The following CELSR3 variants were observed in gnomAD, a reference collection of about 807,000 sequenced individuals.
CELSR3 encodes the protein cadherin EGF LAG seven-pass G-type receptor 3.
In CELSR3, 73 loss-of-function variants were observed where a neutral mutation model predicts 270.0. The observed-to-expected ratio is 0.27, with a 90% CI of 0.22 to 0.33. The LOEUF is 0.33. Among genes scored for constraint, CELSR3 ranks in the 10% least tolerant of loss-of-function variants. The probability of loss-of-function intolerance (pLI) is 1.00; values close to 1 mark genes in which losing one functional copy is unlikely to be tolerated. For synonymous variants in CELSR3, 1,780 were observed against 1,905.4 expected, an observed-to-expected ratio of 0.93 and a Z score of 1.71; for missense variants, 3,614 against 4,533.8, an observed-to-expected ratio of 0.80 and a Z score of 5.83.
In CELSR3 at chr3:48,650,842, G is replaced by T; in HGVS notation, c.6370+50C>A. 1.3e-6 allele frequency: 2 copies of T among 1,570,794 alleles called. No individual in the cohort carries two copies. The highest frequency in any genetic ancestry group is 8.6e-7 in the Non-Finnish European group (1 of 1,156,590). On this transcript the variant is annotated intron_variant, in intron 15 of 34. Transcript: ENST00000164024. This position sits in a 1 kb window ranked among gnomAD's most constrained non-coding sequence, Gnocchi z 5.1. ...TGTGTGCCACTGACACGTGATGGTG[G>T]CACACTGGAACCAGCCCTCTATGGG...
At position 48,654,114 on chromosome 3, in the gene CELSR3, T is replaced by C; in HGVS notation, c.5153-111A>G. 3.3e-6 allele frequency: 5 copies of C among 1,518,848 alleles called. No homozygotes were observed. In the South Asian group the frequency reaches 6.2e-5, roughly 19 times the overall value. The allele number at this position is 1,518,848 out of a possible 1,614,324, so 94.1% of individuals were successfully genotyped here. The stretch of plus-strand genomic sequence containing the variant: ...GAAAGAGACCAAGATCTCAGCCCCA[T>C]TTCCCATTTTCTTTCGATGAGTGGG... On this transcript the variant is annotated intron_variant, in intron 7 of 34. Transcript: ENST00000164024. The surrounding 1 kb of genome is among the most constrained non-coding windows in gnomAD (Gnocchi z 5.4).
In CELSR3 at chr3:48,658,768, A is replaced by G. The variant is rs2077043766; in HGVS notation, c.3748+119T>C. On this transcript the variant is annotated intron_variant, in intron 1 of 34. Transcript: ENST00000164024. The surrounding 1 kb of genome is among the most constrained non-coding windows in gnomAD (Gnocchi z 4.7). The stretch of plus-strand genomic sequence containing the variant: ...AGATCTTGTAGGGTGCAGGAACCCT[A>G]CCCTTAAGGGGTTCTTGGAAGGCTT... 2 of 1,249,820 alleles carry G rather than the reference A, an allele frequency of 1.6e-6. No homozygotes were observed. Among genetic ancestry groups the G allele is most frequent in the Non-Finnish European group, 2.2e-6 (2 of 896,410 alleles). 77.4% of individuals were successfully genotyped at this position (1,249,820 alleles called of 1,614,324 possible).
At position 48,660,038 on chromosome 3, in the gene CELSR3, C is replaced by T. The variant is rs2077054749; in HGVS notation, c.2597G>A (p.Ser866Asn). Residue 866 changes from serine (S) to asparagine (N), a missense_variant, in exon 1 of 35, where the codon AGT becomes AAT. Ser to Asn is a conservative substitution (Grantham distance 46). Coordinates refer to ENST00000164024, the MANE Select transcript of CELSR3 (RefSeq NM_001407.3). This position sits in a 1 kb window ranked among gnomAD's most constrained non-coding sequence, Gnocchi z 5.5. ...ACCCATTGGCCGATCTTCATTCACA[C>T]TCACTGAGTAGTGGGCACTTTGAAA... is the stretch of plus-strand genomic sequence containing the variant. ...PVFQSAHYSV[S>N]VNEDRPMGST... is the part of the protein sequence containing the mutation. 1 of 1,614,220 alleles carries T rather than the reference C, an allele frequency of 6.2e-7. No individual in the cohort carries two copies. Among genetic ancestry groups the T allele is most frequent in the Non-Finnish European group, 8.5e-7 (1 of 1,180,044 alleles).
Position 48,655,856 on chromosome 3 carries a change from G to T in CELSR3, c.4626-5C>A. On this transcript the variant is annotated splice_region_variant and splice_polypyrimidine_tract_variant and intron_variant, in intron 3 of 34. Transcript: ENST00000164024. This position sits in a 1 kb window ranked among gnomAD's most constrained non-coding sequence, Gnocchi z 5.8. ...CTCTGCTGCACTGTCGCGAACCTGG[G>T]CGGGGTGGGAGGGGGTTGCGGGGGT... 6.4e-7 allele frequency: 1 copy of T among 1,556,846 alleles called. No homozygotes were observed. Among genetic ancestry groups the T allele is most frequent in the Non-Finnish European group, 8.8e-7 (1 of 1,130,484 alleles).
In CELSR3 at chr3:48,644,867, C is replaced by T. The variant is rs2047064787; in HGVS notation, c.7973-39G>A. The T allele has an allele frequency of 6.3e-7, 1 of 1,583,688 alleles. No individual in the cohort carries two copies. The highest frequency in any genetic ancestry group is 1.1e-5 in the South Asian group (1 of 89,864). On this transcript the variant is annotated intron_variant, in intron 25 of 34. Transcript: ENST00000164024. The surrounding 1 kb of genome is among the most constrained non-coding windows in gnomAD (Gnocchi z 4.8). ...AGGGTAGGACTGAGGGTGTGTGTTC[C>T]AGAGCTGCTGACCAGCCCATGTATG...
rs1199779992 is a variant in CELSR3, at chr3:48,650,525, T to G, written c.6427A>C (p.Lys2143Gln). The G allele has an allele frequency of 6.6e-7, 1 of 1,525,684 alleles. No homozygotes were observed. Among genetic ancestry groups the G allele is most frequent in the Non-Finnish European group, 8.9e-7 (1 of 1,129,580 alleles). 94.5% of individuals were successfully genotyped at this position (1,525,684 alleles called of 1,614,324 possible). ...GGCACTGTGGCCAGGACGCCAAACT[T>G]TGTCTGGGGCCACCACACACCAGAT... ...LRSGVWWPQTKFGVLATVPCP... is the reference protein window; with the variant it reads ...LRSGVWWPQTQFGVLATVPCP... The change falls in exon 16 of 35, where the codon AAG becomes CAG. Residue 2143 changes from lysine (K) to glutamine (Q), a missense_variant. This residue lies in a region of CELSR3 where 1,331 missense variants were observed against 1,933.7 expected (regional missense o/e 0.69). Coordinates refer to ENST00000164024, the MANE Select transcript of CELSR3 (RefSeq NM_001407.3). This position sits in a 1 kb window ranked among gnomAD's most constrained non-coding sequence, Gnocchi z 5.1.
chr3:48,651,520 C>T lies in CELSR3; in HGVS notation c.6066-41G>A. On this transcript the variant is annotated intron_variant, in intron 13 of 34. Transcript: ENST00000164024. The surrounding 1 kb of genome is among the most constrained non-coding windows in gnomAD (Gnocchi z 7.4). ...CAGGTAAGATGCCTCCACGGTATCC[C>T]AGTGACCCTCCCTGTCCCTGCCAGG... 1 of 1,608,582 alleles carries T rather than the reference C, an allele frequency of 6.2e-7. No individual in the cohort carries two copies. Among genetic ancestry groups the T allele is most frequent in the Non-Finnish European group, 8.5e-7 (1 of 1,176,380 alleles).
Position 48,653,683 on chromosome 3 carries a change from G to A in CELSR3, c.5384C>T (p.Thr1795Ile). The A allele has an allele frequency of 1.2e-6, 2 of 1,614,188 alleles. No homozygotes were observed. The highest frequency in any genetic ancestry group is 1.7e-6 in the Non-Finnish European group (2 of 1,180,040). The stretch of plus-strand genomic sequence containing the variant: ...CATCAGGACCCCCTGCGTTGCCCGT[G>A]TCCGAAATGCCAGCCCCAGGTACCA... ...VPWYLGLAFR[T>I]RATQGVLMQV... The change falls in exon 9 of 35, where the codon ACA becomes ATA. Residue 1795 changes from threonine to isoleucine, a missense_variant. Coordinates refer to ENST00000164024, the MANE Select transcript of CELSR3 (RefSeq NM_001407.3). This position sits in a 1 kb window ranked among gnomAD's most constrained non-coding sequence, Gnocchi z 6.5.
At position 48,646,911 on chromosome 3, in the gene CELSR3, T is replaced by G. The variant is rs1245817785; in HGVS notation, c.7147A>C (p.Ser2383Arg). The G allele has an allele frequency of 6.4e-7, 1 of 1,550,848 alleles. No individual in the cohort carries two copies. Among genetic ancestry groups the G allele is most frequent in the Admixed American group, 2.2e-5 (1 of 45,190 alleles). Reference sequence around the variant, plus strand: ...CTTGAGGTGGTGGAGTTTTCTATGCTGCTGCTTGTGGGCAGAACTGCCAGG... The same window carrying G: ...CTTGAGGTGGTGGAGTTTTCTATGCGGCTGCTTGTGGGCAGAACTGCCAGG... The part of the protein sequence containing the change: ...SPSEVLPTSS[S>R]IENSTTSSVV... The change falls in exon 21 of 35, where the codon AGC (serine) becomes CGC (arginine). Residue 2383 changes from serine to arginine, a missense_variant. Physicochemically the swap from Ser to Arg is moderately radical, Grantham distance 110. Transcript: ENST00000164024. This position sits in a 1 kb window ranked among gnomAD's most constrained non-coding sequence, Gnocchi z 4.8.
In CELSR3 at chr3:48,662,049, G is replaced by C; in HGVS notation, c.586C>G (p.Arg196Gly). The C allele has an allele frequency of 1.2e-6, 2 of 1,614,110 alleles. No homozygotes were observed. Among genetic ancestry groups the C allele is most frequent in the Non-Finnish European group, 1.7e-6 (2 of 1,180,036 alleles). Residue 196 changes from arginine (R) to glycine (G), a missense_variant, in exon 1 of 35, where the codon CGC becomes GGC. Physicochemically the swap from Arg to Gly is moderately radical, Grantham distance 125. This residue lies in a region of CELSR3 where 470 missense variants were observed against 469.7 expected (regional missense o/e 1.00). Transcript: ENST00000164024. This position sits in a 1 kb window ranked among gnomAD's most constrained non-coding sequence, Gnocchi z 7.1. ...CAGCGCGCGGTGCCCACTCTTTTGC[G>C]GGAGCCTGTCCCAGCGTTCCGCTGG... ...SSQRNAGTGS[R>G]KRVGTARCCG...
Position 48,654,582 on chromosome 3 carries a change from G to T in CELSR3, c.4989-130C>A. ...TGAGGGAGGAAAATAAGGCCGAGCT[G>T]TGGAAGGAGTTAGGATCTTACTTCA... is the stretch of plus-strand genomic sequence containing the variant. On this transcript the variant is annotated intron_variant, in intron 6 of 34. Coordinates refer to ENST00000164024, the MANE Select transcript of CELSR3 (RefSeq NM_001407.3). This position sits in a 1 kb window ranked among gnomAD's most constrained non-coding sequence, Gnocchi z 5.4. 1.3e-6 allele frequency: 1 copy of T among 766,516 alleles called. No individual in the cohort carries two copies. The highest frequency in any genetic ancestry group is 2.1e-6 in the Non-Finnish European group (1 of 479,214). The allele number at this position is 766,516 out of a possible 1,614,324, so 47.5% of individuals were successfully genotyped here.
Position 48,651,459 on chromosome 3 carries a change from C to A in CELSR3, c.6086G>T (p.Arg2029Leu). Residue 2029 changes from arginine (R) to leucine (L), a missense_variant, in exon 14 of 35, where the codon CGG becomes CTG. This residue lies in a region of CELSR3 where 1,331 missense variants were observed against 1,933.7 expected (regional missense o/e 0.69). Transcript: ENST00000164024. The surrounding 1 kb of genome is among the most constrained non-coding windows in gnomAD (Gnocchi z 7.4). ...CEHRMDQQCP[R>L]GWWGSPTCGP... ...ACAGGTTGGGCTCCCCCACCAGCCC[C>A]GTGGGCACTGCTGGTCCATCCTGGG... The A allele has an allele frequency of 1.2e-6, 2 of 1,613,912 alleles. No individual in the cohort carries two copies. The highest frequency in any genetic ancestry group is 1.7e-6 in the Non-Finnish European group (2 of 1,179,958).
Position 48,653,149 on chromosome 3 carries a change from G to A in CELSR3, c.5487C>T (p.Gly1829=). The change falls in exon 10 of 35, where the codon GGC becomes GGT. Residue 1829 remains glycine, a synonymous_variant. Coordinates refer to ENST00000164024, the MANE Select transcript of CELSR3 (RefSeq NM_001407.3). The surrounding 1 kb of genome is among the most constrained non-coding windows in gnomAD (Gnocchi z 6.5). ...RGLLSVTVTR[G]SGRASHLLLD... ...GAAGGAGATGGGAAGCACGGCCCGA[G>A]CCCCTGGTCACTGTCACAGACAGTA... The A allele has an allele frequency of 6.2e-7, 1 of 1,613,308 alleles. No homozygotes were observed. The highest frequency in any genetic ancestry group is 2.2e-5 in the East Asian group (1 of 44,888).
chr3:48,643,600 C>A lies in CELSR3; in HGVS notation c.8243G>T (p.Ser2748Ile). Residue 2748 changes from serine (S) to isoleucine (I), a missense_variant, in exon 28 of 35, where the codon AGC (serine) becomes ATC (isoleucine). This residue lies in a region of CELSR3 where 1,240 missense variants were observed against 1,351.7 expected (regional missense o/e 0.92). Coordinates refer to ENST00000164024, the MANE Select transcript of CELSR3 (RefSeq NM_001407.3). ...ATGGAGGTAGTGGAAGGCTAGGATG[C>A]TGTGGTTGACTGCCAGGAGCCCAAA... ...WLFGLLAVNH[S>I]ILAFHYLHAG... is the part of the protein sequence containing the mutation. The A allele has an allele frequency of 6.4e-7, 1 of 1,551,150 alleles. No homozygotes were observed. Among genetic ancestry groups the A allele is most frequent in the East Asian group, 2.4e-5 (1 of 40,924 alleles).
rs139065699 is a variant in CELSR3 at position 48,639,913 on chromosome 3, G to C, written c.9672C>G (p.Leu3224=). 271 of 1,613,026 alleles carry C rather than the reference G, an allele frequency of 1.7e-4. No individual in the cohort carries two copies. The highest frequency in any genetic ancestry group is 2.2e-4 in the Non-Finnish European group (256 of 1,180,018). ...CACTGACCGAGTCCTCCCTAGCTCT[G>C]AGCAGCTGCGGGAGTGGCCCAAGGG... The part of the protein sequence containing the change: ...REALGPLPQL[L]RAREDSVSGP... Residue 3224 remains leucine (L), a synonymous_variant, in exon 34 of 35, where the codon CTC becomes CTG. Transcript: ENST00000164024. This position sits in a 1 kb window ranked among gnomAD's most constrained non-coding sequence, Gnocchi z 4.1.
In CELSR3 at chr3:48,650,189, G is replaced by T; in HGVS notation, c.6472+291C>A. 1 of 543,292 alleles carries T rather than the reference G, an allele frequency of 1.8e-6. No individual in the cohort carries two copies. The highest frequency in any genetic ancestry group is 1.5e-5 in the South Asian group (1 of 65,422). The allele number at this position is 543,292 out of a possible 1,614,324, so 33.7% of individuals were successfully genotyped here. On this transcript the variant is annotated intron_variant, in intron 16 of 34. Coordinates refer to ENST00000164024, the MANE Select transcript of CELSR3 (RefSeq NM_001407.3). The surrounding 1 kb of genome is among the most constrained non-coding windows in gnomAD (Gnocchi z 5.1). Reference sequence around the variant, plus strand: ...GACTTTAGGCAGCAGGGAGGGGTCTGCAGGGACCTCAGGCAGCAGGAGGGG... The same window carrying T: ...GACTTTAGGCAGCAGGGAGGGGTCTTCAGGGACCTCAGGCAGCAGGAGGGG...
rs2106703050 is a variant in CELSR3, at chr3:48,645,320, C to A, written c.7798-111G>T. ...CCTAAACCACAATATCTTACCCCAG[C>A]ATCCTGCTGAAAACCCTGGCCCCAA... On this transcript the variant is annotated intron_variant, in intron 24 of 34. Transcript: ENST00000164024. This position sits in a 1 kb window ranked among gnomAD's most constrained non-coding sequence, Gnocchi z 5.4. 1 of 1,545,120 alleles carries A rather than the reference C, an allele frequency of 6.5e-7. No individual in the cohort carries two copies. Among genetic ancestry groups the A allele is most frequent in the Non-Finnish European group, 8.8e-7 (1 of 1,132,266 alleles).
chr3:48,639,832 G>A lies in CELSR3; in HGVS notation c.9753C>T (p.Ala3251=). ...AGGAGAGGGCCGAGGAGTTGAAAGA[G>A]GCAAGGATGGAGGAAAGAATGTCCA... is the stretch of plus-strand genomic sequence containing the variant. ...EQLDILSSIL[A]SFNSSALSSV... is the part of the protein sequence containing the mutation. The change falls in exon 34 of 35, where the codon GCC becomes GCT. Residue 3251 remains alanine (A), a synonymous_variant. Transcript: ENST00000164024. This position sits in a 1 kb window ranked among gnomAD's most constrained non-coding sequence, Gnocchi z 4.1. 2 of 1,613,936 alleles carry A rather than the reference G, an allele frequency of 1.2e-6. No individual in the cohort carries two copies. The highest frequency in any genetic ancestry group is 8.5e-7 in the Non-Finnish European group (1 of 1,180,032).
Position 48,656,944 on chromosome 3 carries a change from C to T in CELSR3, c.4153G>A (p.Glu1385Lys), listed in dbSNP as rs1326619811. ...DDNVCLREPC[E>K]NYMKCVSVLR... ...ACGGACACGCATTTCATGTAGTTCT[C>T]ACAGGGCTCTCGCAGGCACACGTTG... The change falls in exon 2 of 35, where the codon GAG becomes AAG. Residue 1385 changes from glutamate (E) to lysine (K), a missense_variant. Glu to Lys is a moderately conservative substitution (Grantham distance 56). This residue lies in a region of CELSR3 where 1,331 missense variants were observed against 1,933.7 expected (regional missense o/e 0.69). Transcript: ENST00000164024. 1.8e-5 allele frequency: 29 copies of T among 1,612,450 alleles called. No individual in the cohort carries two copies. Among genetic ancestry groups the T allele is most frequent in the Non-Finnish European group, 2.4e-5 (28 of 1,179,276 alleles).
Sources: gnomAD v4.1 joint callset for allele counts on GRCh38, gnomAD v4.1.1 for gene constraint, gnomAD v4.1.1 regional missense constraint, Gnocchi (gnomAD v3.1) non-coding constraint, MANE v1.5 for transcripts, NCBI Gene and HGNC (gene_info 2026-07-23, HGNC 2026-07-21) for gene names.